NRIP1: variants seen among roughly 807,000 people sequenced by gnomAD.
The protein encoded by NRIP1 is nuclear receptor interacting protein 1, also known as nuclear receptor-interacting protein 1.
NRIP1 carries 28 observed loss-of-function variants against 75.0 expected under a neutral mutation model. The observed-to-expected ratio is 0.37, with a 90% CI of 0.28 to 0.51. The LOEUF (loss-of-function observed/expected upper bound fraction) is 0.51. Ranked by LOEUF, NRIP1 falls within the 20% of genes least tolerant of loss-of-function variation. The pLI is 0.92. For synonymous variants in NRIP1, 526 were observed against 487.6 expected (o/e 1.08, Z -1.04); for missense variants, 1,435 against 1,343.7 (o/e 1.07, Z -1.06).
rs182094115 is a variant in NRIP1 at position 15,052,765 on chromosome 21, A to T, written c.-537-9191T>A. Reference sequence around the variant, plus strand: ...ACACTTCCTAATTCACTGTAAAATAAAACAAAACGTAGTCCAAAGTAACAT... The same window carrying T: ...ACACTTCCTAATTCACTGTAAAATATAACAAAACGTAGTCCAAAGTAACAT... On this transcript the variant is annotated intron_variant, in intron 1 of 3. Transcript: ENST00000318948. Among the ~76,000 whole-genome samples the T allele has an allele frequency of 6.6e-5, 10 of 152,330 alleles. No individual in the cohort carries two copies. In the East Asian group the frequency reaches 1.5e-3, roughly 24 times the overall value.
At chr21:14,972,023 T>C (rs902879878) in intron 3 of NRIP1, among the ~76,000 whole-genome samples, 13 of 152,204 alleles carry the variant, frequency 8.5e-5, no homozygotes, top group Non-Finnish European at 1.8e-4. Flanking sequence ...TTAAATGAGA[T>C]AAATCTGTAA....
At chr21:15,029,639 G>A (rs184367745) in intron 2 of NRIP1, among the ~76,000 whole-genome samples, 8 of 152,032 alleles carry the variant, frequency 5.3e-5, no homozygotes, top group Non-Finnish European at 7.4e-5. Flanking sequence ...AAGAATAACC[G>A]AAATACAGCA....
intron 1 of NRIP1, among the ~76,000 whole-genome samples, chr21:15,054,403 T>C (rs1332439772): frequency 1.8e-5 from 2 of 112,894 alleles, no homozygotes; most frequent in African/African-American, 9.2e-5. Flanking sequence ...CCCAAAGATT[T>C]TGCTAAACGT....
Position 15,015,505 on chromosome 21 carries a change from G to C in NRIP1, c.-457-1039C>G, listed in dbSNP as rs1369624963. 2.0e-5 allele frequency among the ~76,000 whole-genome samples: 3 copies of C among 152,128 alleles called. No individual in the cohort carries two copies. In the East Asian group the frequency reaches 5.8e-4, roughly 29 times the overall value. ...TAATTAAAAAAATCATGGAGGATAG[G>C]TGTAAATATTTAGCCATAAGGATGT... is the stretch of plus-strand genomic sequence containing the variant. On this transcript the variant is annotated intron_variant, in intron 2 of 3. Coordinates refer to ENST00000318948, the MANE Select transcript of NRIP1 (RefSeq NM_003489.4).
At chr21:15,048,798 C>T (rs924056831) in intron 1 of NRIP1, among the ~76,000 whole-genome samples, 9 of 152,090 alleles carry the variant, frequency 5.9e-5, no homozygotes, top group Admixed American at 1.3e-4. Flanking sequence ...AGTCACTGAC[C>T]GCAAGGTCAC....
chr21:15,005,828 G>A (rs1192478981), intron 3 of NRIP1, among the ~76,000 whole-genome samples: 1 of 152,110 alleles, frequency 6.6e-6, no homozygotes, highest in African/African-American at 2.4e-5. Context: ...AAAGAATGGG[G>A]CAGTTATTAG....
intron 2 of NRIP1, among the ~76,000 whole-genome samples, chr21:15,021,190 A>G (rs1179702535): frequency 6.6e-6 from 1 of 152,258 alleles, no homozygotes; most frequent in Non-Finnish European, 1.5e-5. Flanking sequence ...AGGCAAGCAT[A>G]AAGTGTAACC....
chr21:14,987,620 G>A lies in NRIP1; in HGVS notation c.-334-19094C>T, dbSNP rs372958725. The stretch of plus-strand genomic sequence containing the variant: ...GAGATGCAATTCTTTACAAATTCTT[G>A]ACTGGCCAAAACAGTGTATAAAACC... On this transcript the variant is annotated intron_variant, in intron 3 of 3. Transcript: ENST00000318948. Among the ~76,000 whole-genome samples, 8 of 152,266 alleles carry A rather than the reference G, an allele frequency of 5.3e-5. No individual in the cohort carries two copies. The East Asian group carries it at 1.2e-3, about 22-fold the overall frequency.
At chr21:15,042,871 T>A (rs2088988506) in intron 2 of NRIP1, among the ~76,000 whole-genome samples, 1 of 152,200 alleles carries the variant, frequency 6.6e-6, no homozygotes, top group Non-Finnish European at 1.5e-5. Flanking sequence ...CAACAGATGA[T>A]TTTAACATAA....
At chr21:15,021,256 C>G (rs2088366527) in intron 2 of NRIP1, among the ~76,000 whole-genome samples, 1 of 152,128 alleles carries the variant, frequency 6.6e-6, no homozygotes, top group African/African-American at 2.4e-5. Context: ...ACCTCAGAAA[C>G]TTAATGCTTA....
At chr21:15,013,613 T>TA (rs1226295495) in intron 3 of NRIP1, among the ~76,000 whole-genome samples, 2 of 152,200 alleles carry the variant, frequency 1.3e-5, no homozygotes, top group Non-Finnish European at 2.9e-5. Flanking sequence ...ATAAGCAGCA[T>TA]AAGGTCCAAG....
At chr21:15,034,171 C>T (rs1346444344) in intron 2 of NRIP1, among the ~76,000 whole-genome samples, 1 of 152,158 alleles carries the variant, frequency 6.6e-6, no homozygotes, top group East Asian at 1.9e-4. Flanking sequence ...ATCTCTAGGA[C>T]TTTTTAGGTA....
chr21:15,025,888 G>C (rs1254623240), intron 2 of NRIP1, among the ~76,000 whole-genome samples: 1 of 152,166 alleles, frequency 6.6e-6, no homozygotes, highest in Non-Finnish European at 1.5e-5. Flanking sequence ...TCCAGACTGT[G>C]GGAGACCAAA....
intron 3 of NRIP1, among the ~76,000 whole-genome samples, chr21:14,968,921 T>C (rs2086833241): frequency 6.6e-6 from 1 of 152,142 alleles, no homozygotes; most frequent in Non-Finnish European, 1.5e-5. Flanking sequence ...CTTACATTAC[T>C]GGGCACTTAG....
At chr21:15,024,567 A>AGTGTGTGTGTGTGTGTGT (rs60376904) in intron 2 of NRIP1, among the ~76,000 whole-genome samples, 8 of 145,562 alleles carry the variant, frequency 5.5e-5, no homozygotes, top group African/African-American at 1.8e-4. Context: ...TGGTATCCAG[A>AGTGTGTGTGTGTGTGTGT]GTGTGTGTGT....
intron 2 of NRIP1, among the ~76,000 whole-genome samples, chr21:15,015,875 A>C (rs1441759584): frequency 6.6e-6 from 1 of 152,190 alleles, no homozygotes; most frequent in Non-Finnish European, 1.5e-5. Context: ...TTTCTAACAA[A>C]CACCACAAAT....
In NRIP1 at chr21:14,968,170, C is replaced by T. The variant is rs1451001748; in HGVS notation, c.23G>A (p.Gly8Asp). Residue 8 changes from glycine (G) to aspartate (D), a missense_variant, in exon 4 of 4, where the codon GGC becomes GAC. Coordinates refer to ENST00000318948, the MANE Select transcript of NRIP1 (RefSeq NM_003489.4). MTHGEEL[G>D]SDVHQDSIVL... ...AATAGAATCCTGGTGCACATCAGAG[C>T]CAAGCTCTTCTCCATGAGTCATGTT... 1.2e-6 allele frequency: 2 copies of T among 1,611,262 alleles called. No homozygotes were observed. The highest frequency in any genetic ancestry group is 1.7e-6 in the Non-Finnish European group (2 of 1,178,702).
rs373431636 is a variant in NRIP1 at position 14,975,658 on chromosome 21, GGA to G, written c.-334-7134_-334-7133del. Among the ~76,000 whole-genome samples the G allele has an allele frequency of 7.3e-4, 103 of 140,344 alleles. 1 individual carries two copies. Among genetic ancestry groups the G allele is most frequent in the Non-Finnish European group, 3.6e-4 (24 of 66,350 alleles). The allele number at this position is 140,344 out of a possible 152,430, so 92.1% of individuals were successfully genotyped here. On this transcript the variant is annotated intron_variant, in intron 3 of 3. Coordinates refer to ENST00000318948, the MANE Select transcript of NRIP1 (RefSeq NM_003489.4). ...AAAAAAAAAAAAGGAAGGAAGGAAG[GGA>G]GAGAGAGAGAGAAAGAAAGAAAGGG...
At chr21:15,042,282 C>T (rs1187129625) in intron 2 of NRIP1, among the ~76,000 whole-genome samples, 2 of 152,216 alleles carry the variant, frequency 1.3e-5, no homozygotes. Flanking sequence ...TGCATCCTTC[C>T]TTCATCTGTT....
Sources: gnomAD v4.1 joint callset for allele counts (sites outside exome capture counted in the v4.1 genomes callset) on GRCh38, gnomAD v4.1.1 for gene constraint, MANE v1.5 for transcripts, NCBI Gene and HGNC (gene_info 2026-07-23, HGNC 2026-07-21) for gene names.